PATJ: variants seen among roughly 807,000 people sequenced by gnomAD.
PATJ encodes the protein PATJ crumbs cell polarity complex component.
A neutral mutation model predicts 224.9 loss-of-function variants in PATJ; 190 were observed. The observed-to-expected ratio is 0.84, with a 90% CI of 0.75 to 0.95. PATJ has a LOEUF of 0.95. Among genes scored for constraint, PATJ ranks in the 40% least tolerant of loss-of-function variants. The pLI is 0.00. For missense variants in PATJ, 2,121 were observed against 2,270.3 expected, an observed-to-expected ratio of 0.93 and a Z score of 1.34; for synonymous variants, 769 against 820.3, an observed-to-expected ratio of 0.94 and a Z score of 1.07.
intron 15 of PATJ, among the ~76,000 whole-genome samples, chr1:61,823,723 G>A (rs1318761683): frequency 6.6e-6 from 1 of 152,158 alleles, no homozygotes; most frequent in African/African-American, 2.4e-5. Flanking sequence ...AATCCCATGG[G>A]CCTTGATTTT....
intron 30 of PATJ, 74 bp from the exon 31 acceptor site, chr1:62,050,892 T>C: frequency 9.3e-7 from 1 of 1,072,650 alleles, no homozygotes. Flanking sequence ...CAAATGACAT[T>C]GAGTATCTGT....
At chr1:62,160,335 G>C (rs1669725022) in intron 43 of PATJ, among the ~76,000 whole-genome samples, 1 of 152,126 alleles carries the variant, frequency 6.6e-6, no homozygotes, top group Non-Finnish European at 1.5e-5. Flanking sequence ...AAAGTGGAAG[G>C]TTTTGAATAT....
intron 8 of PATJ, among the ~76,000 whole-genome samples, chr1:61,788,933 CA>C (rs1259866477): frequency 6.7e-6 from 1 of 150,312 alleles, no homozygotes; most frequent in Non-Finnish European, 1.5e-5. Context: ...CTCAGTCTCC[CA>C]AAGTGCTAGG....
At position 61,783,398 on chromosome 1, in the gene PATJ, CT is replaced by C. The variant is rs1171854804; in HGVS notation, c.850-4347del. 6.3e-5 allele frequency among the ~76,000 whole-genome samples: 9 copies of C among 142,626 alleles called. No individual in the cohort carries two copies. In the East Asian group the frequency reaches 1.0e-3, roughly 16 times the overall value. 93.6% of individuals were successfully genotyped at this position (142,626 alleles called of 152,430 possible). A position where few individuals can be genotyped will look rare whatever the true frequency, so the allele number is the denominator to read the frequency against. ...TCTGAGTTGTGGAAGTATTTGGTGC[CT>C]TTTTTTTTCCTTTCTTTTCTTTTCT... On this transcript the variant is annotated intron_variant, in intron 7 of 43. Transcript: ENST00000642238.
intron 26 of PATJ, among the ~76,000 whole-genome samples, chr1:61,927,221 T>C (rs1000051270): frequency 7.9e-5 from 12 of 152,226 alleles, no homozygotes; most frequent in Non-Finnish European, 1.8e-4. Context: ...CTATAAATTA[T>C]AGATGAATAC....
At chr1:61,997,007 G>A (rs1645405140) in intron 28 of PATJ, among the ~76,000 whole-genome samples, 1 of 152,036 alleles carries the variant, frequency 6.6e-6, no homozygotes, top group Admixed American at 6.6e-5. Flanking sequence ...CTCCCAAAGT[G>A]CTGGGATTAC....
chr1:61,994,881 A>G (rs1645267286), intron 28 of PATJ, among the ~76,000 whole-genome samples: 1 of 152,118 alleles, frequency 6.6e-6, no homozygotes, highest in Non-Finnish European at 1.5e-5. Context: ...AGCATTTATA[A>G]CCCATCTTCT....
chr1:61,770,460 A>G (rs139719643), intron 5 of PATJ, among the ~76,000 whole-genome samples: 18 of 152,332 alleles, frequency 1.2e-4, no homozygotes, highest in African/African-American at 4.1e-4. Context: ...AAAATTTACT[A>G]AGTACTTTAA....
chr1:62,133,228 T>C lies in PATJ; in HGVS notation c.5271+4283T>C, dbSNP rs949839555. On this transcript the variant is annotated intron_variant, in intron 41 of 43. Transcript: ENST00000642238. The stretch of plus-strand genomic sequence containing the variant: ...GGGAGGGCAAGTGTTGAATTTTTTT[T>C]ATCATGTACTGTACTATTTCATTTT... 2.6e-3 allele frequency among the ~76,000 whole-genome samples: 388 copies of C among 149,734 alleles called. 2 individuals are homozygous for C. The highest frequency in any genetic ancestry group is 9.2e-3 in the African/African-American group (369 of 40,174).
chr1:61,854,896 C>T (rs909913253), intron 17 of PATJ, among the ~76,000 whole-genome samples: 15 of 152,068 alleles, frequency 9.9e-5, no homozygotes, highest in African/African-American at 3.1e-4. Context: ...GCTCTCCCAA[C>T]GGGTGAAAGA....
chr1:62,069,387 G>A (rs1392761460), intron 31 of PATJ, among the ~76,000 whole-genome samples: 2 of 151,954 alleles, frequency 1.3e-5, no homozygotes, highest in African/African-American at 4.8e-5. Context: ...AATTATAAGA[G>A]CAATAATTGT....
In PATJ at chr1:61,827,509, T is replaced by C; in HGVS notation, c.1906T>C (p.Cys636Arg). The part of the protein sequence containing the change: ...EVPPPFTLVC[C>R]RRLFDDEASV... ...GCCACCCCCTTTTACTTTGGTTTGC[T>C]GTCGGAGGTTGTTTGATGATGAAGC... The change falls in exon 16 of 44, where the codon TGT becomes CGT. Residue 636 changes from cysteine (C) to arginine (R), a missense_variant. Transcript: ENST00000642238. The C allele has an allele frequency of 6.2e-7, 1 of 1,614,124 alleles. No homozygotes were observed. The highest frequency in any genetic ancestry group is 8.5e-7 in the Non-Finnish European group (1 of 1,180,008).
Position 61,823,086 on chromosome 1 carries a change from T to C in PATJ, c.1818+7T>C. 2 of 1,613,662 alleles carry C rather than the reference T, an allele frequency of 1.2e-6. No homozygotes were observed. Among genetic ancestry groups the C allele is most frequent in the South Asian group, 2.2e-5 (2 of 90,934 alleles). ...AGAAGATGAGCTGCTTGAGGTAAAA[T>C]TTATGGGGAAAGAAAGACACAGGCA... is the stretch of plus-strand genomic sequence containing the variant. On this transcript the variant is annotated splice_region_variant and intron_variant, in intron 15 of 43. Transcript: ENST00000642238.
At chr1:61,887,174 G>A (rs1669007947) in intron 22 of PATJ, among the ~76,000 whole-genome samples, 1 of 152,050 alleles carries the variant, frequency 6.6e-6, no homozygotes, top group African/African-American at 2.4e-5. Flanking sequence ...CATAAAGGGG[G>A]TGATTAAATA....
At chr1:61,871,546 T>TAC (rs1666585977) in intron 20 of PATJ, among the ~76,000 whole-genome samples, 3 of 15,018 alleles carry the variant, frequency 2.0e-4, no homozygotes, top group Non-Finnish European at 3.4e-4. Flanking sequence ...TGTGTATATA[T>TAC]ATATATATAT....
chr1:61,997,232 A>G (rs1184139186), intron 28 of PATJ, among the ~76,000 whole-genome samples: 1 of 152,218 alleles, frequency 6.6e-6, no homozygotes, highest in Non-Finnish European at 1.5e-5. Context: ...ACACAAATAC[A>G]TATTGTAAGC....
At chr1:62,062,218 A>G (rs1241103722) in intron 31 of PATJ, among the ~76,000 whole-genome samples, 4 of 152,038 alleles carry the variant, frequency 2.6e-5, no homozygotes, top group East Asian at 1.9e-4. Flanking sequence ...TAAATAGCAT[A>G]TAAGAGTTCT....
At chr1:61,744,284 CA>C (rs35247131) in intron 1 of PATJ, among the ~76,000 whole-genome samples, 56 of 69,674 alleles carry the variant, frequency 8.0e-4, no homozygotes, top group African/African-American at 3.0e-3. Flanking sequence ...AACCCTGTCT[CA>C]AAAAAAAAAA....
intron 16 of PATJ, 113 bp downstream of exon 16, chr1:61,827,696 T>A (rs893972510): frequency 3.0e-6 from 3 of 990,932 alleles, no homozygotes; most frequent in African/African-American, 3.3e-5. Context: ...GCTCTTTTTT[T>A]GCTTGACTAA....
Sources: allele counts gnomAD v4.1 joint callset (sites outside exome capture counted in the v4.1 genomes callset), GRCh38; gene constraint gnomAD v4.1.1; transcripts MANE v1.5; gene names NCBI Gene and HGNC (gene_info 2026-07-23, HGNC 2026-07-21).